The following PSG2 variants were observed in gnomAD, a reference collection of about 807,000 sequenced individuals.
PSG2 encodes pregnancy-specific beta-1-glycoprotein 2.
Under a neutral mutation model 36.2 loss-of-function variants are expected in PSG2, and 49 were observed. The observed-to-expected ratio is 1.35, with a 90% confidence interval of 1.08 to 1.72. The LOEUF is 1.72. Among genes scored for constraint, PSG2 ranks in the 40% most tolerant of loss-of-function variants. The pLI, the probability that PSG2 is intolerant of heterozygous loss-of-function variation, is 0.00. For synonymous variants in PSG2, 261 were observed against 155.6 expected, an observed-to-expected ratio of 1.68 and a Z score of -5.04; for missense variants, 605 against 407.2, an observed-to-expected ratio of 1.49 and a Z score of -4.18.
chr19:43,074,739 G>T lies in PSG2; in HGVS notation c.709+615C>A, dbSNP rs140474347. ...CCTCTTGATTATGAGATTTGTTCCA[G>T]CAGTGGCTGAGTTATGGATGAAACA... On this transcript the variant is annotated intron_variant, in intron 3 of 5. Coordinates refer to ENST00000406487, the MANE Select transcript of PSG2 (RefSeq NM_031246.4). Among the ~76,000 whole-genome samples, 131 of 151,856 alleles carry T rather than the reference G, an allele frequency of 8.6e-4. 3 individuals are homozygous for T. Among genetic ancestry groups the T allele is most frequent in the Admixed American group, 7.3e-3 (112 of 15,266 alleles).
At chr19:43,067,437 T>G (rs1241779001) in intron 4 of PSG2, among the ~76,000 whole-genome samples, 8 of 151,158 alleles carry the variant, frequency 5.3e-5, no homozygotes, top group Non-Finnish European at 1.0e-4. Flanking sequence ...TTTTATGTGT[T>G]ACCTCTTTTT....
intron 3 of PSG2, among the ~76,000 whole-genome samples, chr19:43,072,861 G>A (rs1967839185): frequency 6.6e-6 from 1 of 151,718 alleles, no homozygotes; most frequent in South Asian, 2.1e-4. Flanking sequence ...CAATTGAGCA[G>A]CAGTGTTGGG....
chr19:43,074,773 G>A (rs763651344), intron 3 of PSG2, among the ~76,000 whole-genome samples: 3 of 151,722 alleles, frequency 2.0e-5, no homozygotes, highest in Non-Finnish European at 2.9e-5. Context: ...CAGACATAGA[G>A]CCCTCTATAT....
chr19:43,081,499 C>A (rs1393208777), intron 1 of PSG2, among the ~76,000 whole-genome samples: 1 of 151,298 alleles, frequency 6.6e-6, no homozygotes, highest in South Asian at 2.1e-4. Context: ...CCACTTGTGA[C>A]CTTGGCATTT....
intron 3 of PSG2, among the ~76,000 whole-genome samples, 193 bp from the exon 4 acceptor site, chr19:43,072,147 C>G (rs559750748): frequency 2.0e-5 from 3 of 151,788 alleles, no homozygotes; most frequent in Non-Finnish European, 2.9e-5. Flanking sequence ...GGCCCCAAGT[C>G]TCCCACGACA....
chr19:43,068,383 G>A (rs28858796), intron 4 of PSG2, among the ~76,000 whole-genome samples: 7,269 of 150,146 alleles, frequency 0.048, 768 homozygotes, highest in African/African-American at 0.17. Flanking sequence ...AGGCTGCAGT[G>A]AGCCATAATC....
In PSG2 at chr19:43,071,892, A is replaced by G. The variant is rs1058456; in HGVS notation, c.772T>C (p.Tyr258His). The G allele has an allele frequency of 1.9e-6, 3 of 1,612,838 alleles. No homozygotes were observed. The highest frequency in any genetic ancestry group is 1.1e-5 in the South Asian group (1 of 91,038). Residue 258 changes from tyrosine to histidine, a missense_variant, in exon 4 of 6, where the codon TAC becomes CAC. Tyr to His is a moderately conservative substitution (Grantham distance 83). Transcript: ENST00000406487. The part of the protein sequence containing the change: ...YTNYRSGDNL[Y>H]LSCFANSNPP... ...TTAGAGTTCGCGAAGCAAGACAAGT[A>G]GAGGTTATCTCCTGAACGGTAATTG...
At chr19:43,075,722 C>G (rs10407851) in intron 2 of PSG2, 90 bp from the exon 3 acceptor site, 176,939 of 1,536,358 alleles carry the variant, frequency 0.12, 16,876 homozygotes, top group African/African-American at 0.46. Flanking sequence ...TTTCCCACCT[C>G]TCAGCCCACC....
rs1339143861 is a variant in PSG2 at position 43,072,241 on chromosome 19, T to C, written c.710-287A>G. ...GGCAGGGAGTCATGGCCAGCTTGGA[T>C]GTCCAGAAGTAAAGTTGTCTATACT... is the stretch of plus-strand genomic sequence containing the variant. On this transcript the variant is annotated intron_variant, in intron 3 of 5. Transcript: ENST00000406487. 10 of 1,518,048 alleles carry C rather than the reference T, an allele frequency of 6.6e-6. No homozygotes were observed. The South Asian group carries it at 1.0e-4, about 15-fold the overall frequency. 94.0% of individuals were successfully genotyped at this position (1,518,048 alleles called of 1,614,324 possible). A position where few individuals can be genotyped will look rare whatever the true frequency, so the allele number is the denominator to read the frequency against.
At chr19:43,076,110 A>G (rs1967892347) in intron 2 of PSG2, among the ~76,000 whole-genome samples, 1 of 151,730 alleles carries the variant, frequency 6.6e-6, no homozygotes, top group Non-Finnish European at 1.5e-5. Context: ...CCCTTTGGGT[A>G]CTGGAAAGCC....
At chr19:43,080,752 G>T in intron 2 of PSG2, 129 bp downstream of exon 2, 3 of 1,569,984 alleles carry the variant, frequency 1.9e-6, no homozygotes, top group East Asian at 2.2e-5. Context: ...TGCACTAAAT[G>T]CCCAAACCCC....
At chr19:43,078,060 C>T (rs952567234) in intron 2 of PSG2, among the ~76,000 whole-genome samples, 1 of 151,648 alleles carries the variant, frequency 6.6e-6, no homozygotes, top group Non-Finnish European at 1.5e-5. Context: ...CCTGTCCAGC[C>T]TCTGACACCC....
intron 2 of PSG2, among the ~76,000 whole-genome samples, chr19:43,079,684 GT>G (rs943531484): frequency 1.3e-5 from 2 of 151,628 alleles, no homozygotes; most frequent in African/African-American, 4.9e-5. Context: ...GCCTGCTCAT[GT>G]TTTTTGCACT....
chr19:43,064,707 A>AATC (rs1568509417), intron 5 of PSG2, 106 bp from the exon 6 acceptor site: 1 of 391,172 alleles, frequency 2.6e-6, no homozygotes, highest in Non-Finnish European at 4.9e-6. Flanking sequence ...TATGGTTAAA[A>AATC]ATCTAATGAG....
chr19:43,076,515 T>C (rs1461393893), intron 2 of PSG2, among the ~76,000 whole-genome samples: 2 of 151,764 alleles, frequency 1.3e-5, no homozygotes, highest in Non-Finnish European at 2.9e-5. Flanking sequence ...GGACCATATG[T>C]GTTTGGTGGA....
In PSG2 at chr19:43,075,466, G is replaced by T. The variant is rs1384730901; in HGVS notation, c.597C>A (p.Asn199Lys). The change falls in exon 3 of 6, where the codon AAC becomes AAA. Residue 199 changes from asparagine to lysine, a missense_variant. Physicochemically the swap from Asn to Lys is moderately conservative, Grantham distance 94. Transcript: ENST00000406487. ...MTHRFQLSET[N>K]RTLFLFGVTK... Reference sequence around the variant, plus strand: ...TGACACCAAATAGAAAGAGGGTCCTGTTGGTTTCGGACAGCTGAAACCTAT... The same window carrying T: ...TGACACCAAATAGAAAGAGGGTCCTTTTGGTTTCGGACAGCTGAAACCTAT... 6.2e-7 allele frequency: 1 copy of T among 1,613,212 alleles called. No individual in the cohort carries two copies. The highest frequency in any genetic ancestry group is 1.1e-5 in the South Asian group (1 of 91,048).
chr19:43,070,725 TAC>T (rs1210834667), intron 4 of PSG2, among the ~76,000 whole-genome samples: 2 of 151,622 alleles, frequency 1.3e-5, no homozygotes, highest in Non-Finnish European at 2.9e-5. Flanking sequence ...GTTTATTGGG[TAC>T]AGAGGTTTAA....
intron 3 of PSG2, chr19:43,072,258 G>A: frequency 1.3e-6 from 2 of 1,555,720 alleles, no homozygotes; most frequent in Non-Finnish European, 1.7e-6. Context: ...AAGTAAAGTT[G>A]TCTATACTTG....
rs1397014968 is a variant in PSG2 at position 43,081,248 on chromosome 19, T to C, written c.65-2A>G. ...GGTTCCAGAAGTTTAAAAGTGATGC[T>C]AGGAGGTGGAGAGAGCATCAGACAA... On this transcript the variant is annotated splice_acceptor_variant, in intron 1 of 5. Transcript: ENST00000406487. LOFTEE classifies it high-confidence loss of function. The C allele has an allele frequency of 6.2e-7, 1 of 1,610,638 alleles. No individual in the cohort carries two copies. The highest frequency in any genetic ancestry group is 1.1e-5 in the South Asian group (1 of 90,864).
Sources: allele counts gnomAD v4.1 joint callset (sites outside exome capture counted in the v4.1 genomes callset), GRCh38; gene constraint gnomAD v4.1.1; transcripts MANE v1.5; gene names NCBI Gene and HGNC (gene_info 2026-07-23, HGNC 2026-07-21).